ATP9A: variants seen among roughly 807,000 people sequenced by gnomAD.
ATP9A encodes the protein probable phospholipid-transporting ATPase IIA.
In ATP9A, 52 loss-of-function variants were observed where a neutral mutation model predicts 144.1. The ratio of observed to expected loss-of-function variants is 0.36; its 90% CI spans 0.29 to 0.45. ATP9A has a LOEUF of 0.45. Among genes scored for constraint, ATP9A ranks in the 20% least tolerant of loss-of-function variants. The pLI is 1.00. For synonymous variants in ATP9A, 582 were observed against 557.4 expected (o/e 1.04, Z -0.62); for missense variants, 947 against 1,392.7 (o/e 0.68, Z 5.09).
At chr20:51,761,756 C>T (rs1271242634) in intron 1 of ATP9A, among the ~76,000 whole-genome samples, 4 of 150,072 alleles carry the variant, frequency 2.7e-5, no homozygotes, top group Non-Finnish European at 5.9e-5. Context: ...CGAGACTCCG[C>T]CTCAAAAAAA....
At chr20:51,635,685 C>G (rs558065728) in intron 15 of ATP9A, among the ~76,000 whole-genome samples, 1 of 151,148 alleles carries the variant, frequency 6.6e-6, no homozygotes, top group East Asian at 1.9e-4. Flanking sequence ...TGCAGTGAGC[C>G]ATGATTATGC....
At chr20:51,619,922 G>A (rs2122722073) in intron 19 of ATP9A, among the ~76,000 whole-genome samples, 1 of 150,164 alleles carries the variant, frequency 6.7e-6, no homozygotes, top group Admixed American at 6.6e-5. Flanking sequence ...GGTGTTGGAT[G>A]ATGCATTCGG....
In ATP9A at chr20:51,629,157, T is replaced by C. The variant is rs1238128260; in HGVS notation, c.1669-85A>G. ...AGCCCGCTTCCCATGACAGACAGTG[T>C]ACAAAGTGCACTTAACAGACACCAA... On this transcript the variant is annotated intron_variant, in intron 15 of 27. Coordinates refer to ENST00000338821, the MANE Select transcript of ATP9A (RefSeq NM_006045.3). 1.0e-5 allele frequency: 11 copies of C among 1,089,512 alleles called. No individual in the cohort carries two copies. The East Asian group carries it at 1.9e-4, about 19-fold the overall frequency. The allele number at this position is 1,089,512 out of a possible 1,614,324, so 67.5% of individuals were successfully genotyped here.
intron 15 of ATP9A, among the ~76,000 whole-genome samples, chr20:51,634,819 C>T (rs1263191426): frequency 7.4e-6 from 1 of 135,334 alleles, no homozygotes. Context: ...CACGCCATTG[C>T]ACTCCAGTCT....
chr20:51,715,986 A>G (rs919408848), intron 3 of ATP9A, among the ~76,000 whole-genome samples: 5 of 141,372 alleles, frequency 3.5e-5, no homozygotes, highest in Admixed American at 7.2e-5. Flanking sequence ...AAGCTAATCT[A>G]TGGGAGATAG....
At position 51,610,397 on chromosome 20, in the gene ATP9A, C is replaced by T. The variant is rs574381830; in HGVS notation, c.2572-232G>A. Among the ~76,000 whole-genome samples, 77 of 152,288 alleles carry T rather than the reference C, an allele frequency of 5.1e-4. 1 individual carries two copies. The South Asian group carries it at 0.013, about 26-fold the overall frequency. On this transcript the variant is annotated intron_variant, in intron 23 of 27. Transcript: ENST00000338821. ...CAGAAAGTGAGGCATAGAGAGGGTA[C>T]GTGGCTTGCCCAAGCCCACACAGTT...
intron 9 of ATP9A, among the ~76,000 whole-genome samples, chr20:51,682,218 T>C (rs1265402342): frequency 2.0e-5 from 3 of 152,022 alleles, no homozygotes; most frequent in Non-Finnish European, 2.9e-5. Context: ...GTAGCAAATC[T>C]GCACATGTAC....
At chr20:51,605,285 G>C (rs989246773) in intron 26 of ATP9A, among the ~76,000 whole-genome samples, 2 of 152,222 alleles carry the variant, frequency 1.3e-5, no homozygotes, top group Non-Finnish European at 2.9e-5. Flanking sequence ...AGTATCTAGA[G>C]TTGATGAAAG....
intron 2 of ATP9A, among the ~76,000 whole-genome samples, chr20:51,727,877 G>A (rs2077722184): frequency 6.6e-6 from 1 of 151,006 alleles, no homozygotes; most frequent in Admixed American, 6.6e-5. Flanking sequence ...GTTGCAGTGA[G>A]CCGAGATCAC....
At chr20:51,759,906 C>G (rs2077871823) in intron 1 of ATP9A, among the ~76,000 whole-genome samples, 1 of 152,128 alleles carries the variant, frequency 6.6e-6, no homozygotes, top group Non-Finnish European at 1.5e-5. Context: ...TTCACAGTCA[C>G]TAATGGATGC....
intron 9 of ATP9A, 115 bp downstream of exon 9, chr20:51,688,949 A>G: frequency 8.7e-7 from 1 of 1,155,968 alleles, no homozygotes; most frequent in East Asian, 2.4e-5. Context: ...GAACAAGTGG[A>G]AAATGCCATT....
chr20:51,714,591 C>CT (rs531849914), intron 3 of ATP9A, among the ~76,000 whole-genome samples: 50 of 152,318 alleles, frequency 3.3e-4, no homozygotes, highest in Non-Finnish European at 6.5e-4. Flanking sequence ...TGGTCTTGAA[C>CT]TCCTGACCTC....
chr20:51,613,624 C>A, intron 23 of ATP9A, 53 bp downstream of exon 23: 1 of 1,540,974 alleles, frequency 6.5e-7, no homozygotes, highest in Non-Finnish European at 8.8e-7. Context: ...TGCCCACCCA[C>A]CTACATGGTA....
chr20:51,753,314 G>A (rs549335527), intron 1 of ATP9A, among the ~76,000 whole-genome samples: 20 of 152,218 alleles, frequency 1.3e-4, no homozygotes, highest in African/African-American at 3.9e-4. Context: ...GCGTGGTGGT[G>A]TGCACCTGTA....
At chr20:51,640,030 A>G (rs1174931556) in intron 14 of ATP9A, among the ~76,000 whole-genome samples, 2 of 152,128 alleles carry the variant, frequency 1.3e-5, no homozygotes, top group Non-Finnish European at 2.9e-5. Flanking sequence ...AGATGCAGTG[A>G]GCTGAGATCA....
intron 1 of ATP9A, among the ~76,000 whole-genome samples, chr20:51,749,268 AT>A (rs904755650): frequency 2.4e-4 from 35 of 148,212 alleles, no homozygotes; most frequent in Admixed American, 2.7e-4. Flanking sequence ...CGAGCTCAGA[AT>A]TTTTTTTTTT....
At chr20:51,689,498 G>A (rs2077537869) in intron 8 of ATP9A, among the ~76,000 whole-genome samples, 1 of 151,956 alleles carries the variant, frequency 6.6e-6, no homozygotes, top group Non-Finnish European at 1.5e-5. Flanking sequence ...TGTGGACAAT[G>A]TAATATGGGT....
In ATP9A at chr20:51,696,019, T is replaced by C; in HGVS notation, c.547+74A>G. On this transcript the variant is annotated intron_variant, in intron 6 of 27. Transcript: ENST00000338821. ...AAAATGATAATCTACTTTGTGACAT[T>C]TTCAAATGATTATTTTGCCAAATTA... is the stretch of plus-strand genomic sequence containing the variant. 2.2e-6 allele frequency: 3 copies of C among 1,371,052 alleles called. No homozygotes were observed. In the South Asian group the frequency reaches 3.5e-5, roughly 16 times the overall value. The allele number at this position is 1,371,052 out of a possible 1,614,324, so 84.9% of individuals were successfully genotyped here.
chr20:51,746,350 G>A (rs1244444125), intron 1 of ATP9A, among the ~76,000 whole-genome samples: 1 of 152,186 alleles, frequency 6.6e-6, no homozygotes, highest in African/African-American at 2.4e-5. Context: ...TCACTTAACT[G>A]ATTGAAATAG....
Sources: gnomAD v4.1 joint callset for allele counts (sites outside exome capture counted in the v4.1 genomes callset) on GRCh38, gnomAD v4.1.1 for gene constraint, MANE v1.5 for transcripts, NCBI Gene and HGNC (gene_info 2026-07-23, HGNC 2026-07-21) for gene names.